Variants in CCDC3 observed in about 807,000 individuals in gnomAD.
CCDC3 encodes coiled-coil domain containing 3.
In CCDC3, 24 loss-of-function variants were observed where a neutral mutation model predicts 21.4. The observed-to-expected ratio is 1.12, with a 90% CI of 0.81 to 1.58. CCDC3 has a LOEUF of 1.58. Ranked by LOEUF, CCDC3 falls within the 40% of genes most tolerant of loss-of-function variation. CCDC3 has a pLI of 0.00. For missense variants in CCDC3, 425 were observed against 360.9 expected (o/e 1.18, Z -1.44); for synonymous variants, 186 against 166.0 (o/e 1.12, Z -0.93).
intron 2 of CCDC3, among the ~76,000 whole-genome samples, chr10:12,954,407 C>T (rs1272096492): frequency 2.0e-5 from 3 of 152,100 alleles, no homozygotes; most frequent in African/African-American, 4.8e-5. Context: ...ACGTCTTTGT[C>T]CATTTGTGTT....
intron 2 of CCDC3, among the ~76,000 whole-genome samples, chr10:12,922,304 T>G (rs1206476146): frequency 6.6e-6 from 1 of 152,204 alleles, no homozygotes; most frequent in African/African-American, 2.4e-5. Flanking sequence ...TCTGCAGACC[T>G]GGGTGGGAGC....
chr10:12,920,719 TG>T (rs1446721669), intron 2 of CCDC3, among the ~76,000 whole-genome samples: 12 of 152,224 alleles, frequency 7.9e-5, no homozygotes, highest in African/African-American at 2.7e-4. Context: ...TCCACCCATA[TG>T]GGAGGTTGTA....
chr10:13,014,299 A>C (rs1211155385), intron 5 of CCDC3, among the ~76,000 whole-genome samples: 5 of 150,602 alleles, frequency 3.3e-5, no homozygotes, highest in African/African-American at 1.2e-4. Flanking sequence ...AAATACAAAA[A>C]ATTAGCCAGG....
chr10:12,995,046 C>T (rs1450875913), intron 2 of CCDC3, among the ~76,000 whole-genome samples: 1 of 150,066 alleles, frequency 6.7e-6, no homozygotes, highest in Non-Finnish European at 1.5e-5. Context: ...CATGCCATTG[C>T]ACTCTAGCCT....
At chr10:13,042,661 C>T (rs927253505) in intron 5 of CCDC3, among the ~76,000 whole-genome samples, 9 of 152,076 alleles carry the variant, frequency 5.9e-5, no homozygotes, top group South Asian at 2.1e-4. Context: ...GTAATCTCAG[C>T]ACTTTGGGAG....
chr10:13,012,933 A>C (rs1308068663), intron 5 of CCDC3, among the ~76,000 whole-genome samples: 1 of 152,228 alleles, frequency 6.6e-6, no homozygotes, highest in Non-Finnish European at 1.5e-5. Context: ...ACTGTCACAA[A>C]GAAAAATATT....
intron 2 of CCDC3, among the ~76,000 whole-genome samples, chr10:12,915,802 G>T (rs1443643579): frequency 6.6e-6 from 1 of 152,324 alleles, no homozygotes; most frequent in East Asian, 1.9e-4. Context: ...ACAAGGTATT[G>T]TGGTGGACCT....
chr10:12,952,917 A>T (rs1485613074), intron 2 of CCDC3, among the ~76,000 whole-genome samples: 1 of 151,768 alleles, frequency 6.6e-6, no homozygotes, highest in Non-Finnish European at 1.5e-5. Flanking sequence ...TAGATGTTTT[A>T]CTCTGCTTTC....
intron 3 of CCDC3, among the ~76,000 whole-genome samples, chr10:13,083,237 C>G (rs1837064218): frequency 6.6e-6 from 1 of 152,218 alleles, no homozygotes; most frequent in Non-Finnish European, 1.5e-5. Context: ...TACTTGCACT[C>G]TAGTTCAATT....
intron 4 of CCDC3, among the ~76,000 whole-genome samples, chr10:13,062,395 T>C (rs993340118): frequency 6.6e-6 from 1 of 152,222 alleles, no homozygotes; most frequent in African/African-American, 2.4e-5. Context: ...TTGTACTGGA[T>C]TCTTCTCCAG....
At chr10:13,004,198 CACACAGTAAGT>C (rs1255036469), upstream of CCDC3, among the ~76,000 whole-genome samples, 1 of 152,202 alleles carries the variant, frequency 6.6e-6, no homozygotes, top group Admixed American at 6.5e-5. Flanking sequence ...TTTCAAAGCA[CACACAGTAAGT>C]ACACTTTAAG....
chr10:13,018,132 T>A lies in CCDC3; in HGVS notation c.-1-19620A>T, dbSNP rs144745031. Among the ~76,000 whole-genome samples, 126 of 152,072 alleles carry A rather than the reference T, an allele frequency of 8.3e-4. 2 individuals carry two copies. Among genetic ancestry groups the A allele is most frequent in the African/African-American group, 3.0e-3 (123 of 41,514 alleles). On this transcript the variant is annotated intron_variant, in intron 5 of 6. Transcript: ENST00000378839. Reference sequence around the variant, plus strand: ...ATAATAAGCCAAAGCTCCAGAGGGCTGGGAGAGGGAATATGTGTAGATATC... The same window carrying A: ...ATAATAAGCCAAAGCTCCAGAGGGCAGGGAGAGGGAATATGTGTAGATATC...
intron 2 of CCDC3, among the ~76,000 whole-genome samples, chr10:12,913,261 T>A (rs1033060611): frequency 1.3e-5 from 2 of 152,228 alleles, no homozygotes; most frequent in South Asian, 2.1e-4. Context: ...GTTTTTTCCA[T>A]CAATGTCTTA....
intron 3 of CCDC3, among the ~76,000 whole-genome samples, chr10:13,093,466 A>G (rs751854487): frequency 1.3e-4 from 20 of 152,252 alleles, no homozygotes; most frequent in Non-Finnish European, 2.4e-4. Context: ...CAGCCAAACC[A>G]TATCACCAGC....
At chr10:13,058,690 G>GT (rs1046702586) in intron 4 of CCDC3, 39 of 421,274 alleles carry the variant, frequency 9.3e-5, no homozygotes, top group Non-Finnish European at 1.4e-4. Context: ...GTGGAACAGA[G>GT]ACCTGCATCT....
chr10:13,001,502 C>T lies in CCDC3; in HGVS notation c.69G>A (p.Gln23=). The T allele has an allele frequency of 7.5e-7, 1 of 1,333,596 alleles. No homozygotes were observed. The highest frequency in any genetic ancestry group is 9.6e-7 in the Non-Finnish European group (1 of 1,044,402). 82.6% of individuals were successfully genotyped at this position (1,333,596 alleles called of 1,614,324 possible). ...TCAGGGGCCTCCACTCGGAGGGCAGCTGGCAGGCGCGCGCGGGCGCTGGGG... is the reference window on the plus strand; with the variant it reads ...TCAGGGGCCTCCACTCGGAGGGCAGTTGGCAGGCGCGCGCGGGCGCTGGGG... ...AGPPAPARAC[Q]LPSEWRPLSE... Residue 23 remains glutamine (Q), a synonymous_variant, in exon 1 of 3, where the codon CAG becomes CAA. Transcript: ENST00000378825.
At chr10:12,990,846 G>A (rs1439887895) in intron 2 of CCDC3, among the ~76,000 whole-genome samples, 1 of 152,152 alleles carries the variant, frequency 6.6e-6, no homozygotes, top group Non-Finnish European at 1.5e-5. Flanking sequence ...TACAAGATAG[G>A]CCAATGTATT....
intron 5 of CCDC3, among the ~76,000 whole-genome samples, chr10:13,046,360 C>G (rs529400302): frequency 6.0e-5 from 9 of 150,978 alleles, no homozygotes; most frequent in African/African-American, 2.2e-4. Context: ...GAGCCGTGAT[C>G]GCGTCACTTC....
chr10:13,033,992 G>A (rs563880648), intron 5 of CCDC3, among the ~76,000 whole-genome samples: 1 of 152,254 alleles, frequency 6.6e-6, no homozygotes, highest in South Asian at 2.1e-4. Context: ...CCATTACTGG[G>A]TATATACCCA....
Sources: allele counts gnomAD v4.1 joint callset (sites outside exome capture counted in the v4.1 genomes callset), GRCh38; gene constraint gnomAD v4.1.1; transcripts MANE v1.5; gene names NCBI Gene and HGNC (gene_info 2026-07-23, HGNC 2026-07-21).